PRKCE: variants seen among roughly 807,000 people sequenced by gnomAD.
The protein encoded by PRKCE is protein kinase C epsilon, also known as protein kinase C epsilon type.
In PRKCE, 16 loss-of-function variants were observed where a neutral mutation model predicts 85.4. The ratio of observed to expected loss-of-function variants is 0.19; its 90% CI spans 0.13 to 0.28. The LOEUF (loss-of-function observed/expected upper bound fraction) is 0.28. Among genes scored for constraint, PRKCE ranks in the 10% least tolerant of loss-of-function variants. PRKCE has a pLI of 1.00. For missense variants in PRKCE, 573 were observed against 975.2 expected (o/e 0.59, Z 5.49); for synonymous variants, 388 against 371.5 (o/e 1.04, Z -0.51).
At chr2:45,770,154 C>T (rs991228690) in intron 1 of PRKCE, among the ~76,000 whole-genome samples, 1 of 152,166 alleles carries the variant, frequency 6.6e-6, no homozygotes, top group Non-Finnish European at 1.5e-5. Context: ...AGTGTATGCT[C>T]CAGCCCTCTC....
At chr2:45,887,429 A>G (rs1695384879) in intron 2 of PRKCE, among the ~76,000 whole-genome samples, 1 of 151,978 alleles carries the variant, frequency 6.6e-6, no homozygotes, top group Non-Finnish European at 1.5e-5. Flanking sequence ...AGAGGAAGGG[A>G]TTTATTATAA....
intron 2 of PRKCE, among the ~76,000 whole-genome samples, chr2:45,936,289 C>G (rs1437112107): frequency 2.0e-5 from 3 of 152,236 alleles, no homozygotes; most frequent in Non-Finnish European, 4.4e-5. Flanking sequence ...TTTATTCACT[C>G]AATTCTTTTC....
chr2:45,876,436 C>T (rs936564144), intron 2 of PRKCE, among the ~76,000 whole-genome samples: 3 of 152,326 alleles, frequency 2.0e-5, no homozygotes, highest in Admixed American at 2.0e-4. Context: ...AGCACTAGCT[C>T]TTTGTATTTG....
intron 1 of PRKCE, among the ~76,000 whole-genome samples, chr2:45,659,454 C>T (rs1675533402): frequency 6.6e-6 from 1 of 152,252 alleles, no homozygotes; most frequent in African/African-American, 2.4e-5. Flanking sequence ...TCAACAGCCT[C>T]TGAATTGCTT....
At chr2:45,830,029 C>T (rs893047884) in intron 1 of PRKCE, among the ~76,000 whole-genome samples, 3 of 143,142 alleles carry the variant, frequency 2.1e-5, no homozygotes, top group East Asian at 2.0e-4. Context: ...GCCGAGATCG[C>T]GCCACTGCAC....
intron 10 of PRKCE, among the ~76,000 whole-genome samples, chr2:46,069,646 C>T (rs1467671816): frequency 6.6e-6 from 1 of 152,144 alleles, no homozygotes; most frequent in Admixed American, 6.5e-5. Context: ...AATTTCCAAA[C>T]TAAATCATTG....
chr2:46,068,074 CAGAG>C lies in PRKCE; in HGVS notation c.1438-18128_1438-18125del, dbSNP rs1252379595. On this transcript the variant is annotated intron_variant, in intron 10 of 14. Coordinates refer to ENST00000306156, the MANE Select transcript of PRKCE (RefSeq NM_005400.3). The surrounding 1 kb of genome is among the most constrained non-coding windows in gnomAD (Gnocchi z 4.3). ...GGAAACATCTTTCGTTTTCATTGTT[CAGAG>C]AGAGACTGGGGGTTTGTCTGCACTT... Among the ~76,000 whole-genome samples the C allele has an allele frequency of 2.0e-5, 3 of 152,148 alleles. No individual in the cohort carries two copies. In the East Asian group the frequency reaches 5.8e-4, roughly 29 times the overall value.
At chr2:45,787,569 G>A (rs1308811833) in intron 1 of PRKCE, among the ~76,000 whole-genome samples, 1 of 152,182 alleles carries the variant, frequency 6.6e-6, no homozygotes, top group Non-Finnish European at 1.5e-5. Flanking sequence ...CCTGATGAGA[G>A]GGAGGGGTGA....
At chr2:45,677,778 G>T in intron 1 of PRKCE, 1 of 876,426 alleles carries the variant, frequency 1.1e-6, no homozygotes, top group Non-Finnish European at 1.4e-6. Flanking sequence ...TTGCTGGGTG[G>T]GCTCTGGCTT....
At chr2:45,813,824 G>A (rs1488324604) in intron 1 of PRKCE, among the ~76,000 whole-genome samples, 1 of 152,194 alleles carries the variant, frequency 6.6e-6, no homozygotes, top group Admixed American at 6.5e-5. Flanking sequence ...GATGTAAAGT[G>A]CCCAACACAG....
At chr2:45,828,994 A>G (rs968689968) in intron 1 of PRKCE, among the ~76,000 whole-genome samples, 6 of 148,464 alleles carry the variant, frequency 4.0e-5, no homozygotes, top group African/African-American at 1.0e-4. Flanking sequence ...TATTGTGAAT[A>G]TCTTTGCATG....
intron 2 of PRKCE, among the ~76,000 whole-genome samples, chr2:45,938,170 T>C (rs1699613603): frequency 6.6e-6 from 1 of 152,172 alleles, no homozygotes; most frequent in African/African-American, 2.4e-5. Context: ...TCTGCTCTCT[T>C]AGCCTCAGGG....
At chr2:45,850,808 A>C (rs1302763152) in intron 2 of PRKCE, among the ~76,000 whole-genome samples, 1 of 152,162 alleles carries the variant, frequency 6.6e-6, no homozygotes, top group African/African-American at 2.4e-5. Flanking sequence ...ACAGGTGAGA[A>C]TGAGTGTCTC....
At chr2:45,856,767 C>G (rs1159264714) in intron 2 of PRKCE, among the ~76,000 whole-genome samples, 1 of 152,192 alleles carries the variant, frequency 6.6e-6, no homozygotes, top group Non-Finnish European at 1.5e-5. Context: ...ATGAGATCAA[C>G]TTTTTAAGAT....
In PRKCE at chr2:45,651,883, C is replaced by A; in HGVS notation, c.-218C>A. 2.0e-6 allele frequency: 1 copy of A among 491,388 alleles called. No homozygotes were observed. Among genetic ancestry groups the A allele is most frequent in the Non-Finnish European group, 3.6e-6 (1 of 278,514 alleles). 30.4% of individuals were successfully genotyped at this position (491,388 alleles called of 1,614,324 possible). ...AAACACGGACATCCCCCAGCTCTCC[C>A]CCCTCCCTGTTTTCCGTTAGGAACC... is the stretch of plus-strand genomic sequence containing the variant. On this transcript the variant is annotated 5_prime_UTR_variant, in exon 1 of 15. Transcript: ENST00000306156.
intron 1 of PRKCE, among the ~76,000 whole-genome samples, chr2:45,692,730 C>CACAT (rs1553379510): frequency 6.6e-6 from 1 of 150,744 alleles, no homozygotes; most frequent in Non-Finnish European, 1.5e-5. Flanking sequence ...CACACACACA[C>CACAT]CCATGCACAC....
intron 2 of PRKCE, among the ~76,000 whole-genome samples, chr2:45,947,529 CAA>C (rs1700322584): frequency 2.6e-5 from 4 of 152,124 alleles, no homozygotes; most frequent in African/African-American, 7.2e-5. Context: ...ACTAAAATAA[CAA>C]TATTAAAATA....
chr2:45,869,031 T>A (rs1009087559), intron 2 of PRKCE, among the ~76,000 whole-genome samples: 3 of 151,716 alleles, frequency 2.0e-5, no homozygotes, highest in Non-Finnish European at 4.4e-5. Flanking sequence ...AGCTGTGTGG[T>A]TTAAGCTGCG....
At chr2:45,810,971 G>A (rs1308814458) in intron 1 of PRKCE, among the ~76,000 whole-genome samples, 1 of 152,156 alleles carries the variant, frequency 6.6e-6, no homozygotes, top group Non-Finnish European at 1.5e-5. Context: ...TTTTCCTGAC[G>A]AGGTGATAAT....
Sources: gnomAD v4.1 joint callset for allele counts (sites outside exome capture counted in the v4.1 genomes callset) on GRCh38, gnomAD v4.1.1 for gene constraint, Gnocchi (gnomAD v3.1) non-coding constraint, MANE v1.5 for transcripts, NCBI Gene and HGNC (gene_info 2026-07-23, HGNC 2026-07-21) for gene names.